The following NUP98 variants were observed in gnomAD, a reference collection of about 807,000 sequenced individuals.
NUP98 encodes nucleoporin 98 and 96 precursor, also known as nuclear pore complex protein Nup98-Nup96.
In NUP98, 26 loss-of-function variants were observed where a neutral mutation model predicts 191.9. That is an observed-to-expected ratio of 0.14 (90% CI 0.10 to 0.19). The LOEUF (loss-of-function observed/expected upper bound fraction) is 0.19, where lower values mean the gene tolerates loss of function less well. NUP98 is among the 10% of genes least tolerant of loss of function. The pLI is 1.00. For missense variants in NUP98, 1,941 were observed against 2,178.8 expected (o/e 0.89, Z 2.17); for synonymous variants, 808 against 778.4 (o/e 1.04, Z -0.63).
intron 5 of NUP98, among the ~76,000 whole-genome samples, chr11:3,774,176 G>A (rs895192301): frequency 2.0e-5 from 3 of 152,030 alleles, no homozygotes; most frequent in Non-Finnish European, 4.4e-5. Context: ...GAGGCGGGTG[G>A]ATCATGAGGT....
rs2133986127 is a variant in NUP98, at chr11:3,675,668, G to A, written c.*491C>T. On this transcript the variant is annotated 3_prime_UTR_variant, in exon 33 of 33. Coordinates refer to ENST00000324932, the MANE Select transcript of NUP98 (RefSeq NM_016320.5). ...AACCCTCCTTTGCCTCCAAAATTCA[G>A]TGTTAACTAACCAATTACTTAAGAG... 8.3e-6 allele frequency: 2 copies of A among 240,648 alleles called. No homozygotes were observed. Among genetic ancestry groups the A allele is most frequent in the East Asian group, 6.0e-5 (1 of 16,590 alleles). The allele number at this position is 240,648 out of a possible 1,614,324, so 14.9% of individuals were successfully genotyped here.
intron 15 of NUP98, among the ~76,000 whole-genome samples, chr11:3,724,147 T>C (rs1173864164): frequency 1.3e-5 from 2 of 152,106 alleles, no homozygotes; most frequent in Non-Finnish European, 2.9e-5. Flanking sequence ...AGAAAGAAAT[T>C]TCGGCTGGGT....
intron 27 of NUP98, 90 bp downstream of exon 27, chr11:3,693,142 G>C (rs2078371781): frequency 4.5e-6 from 6 of 1,326,690 alleles, no homozygotes; most frequent in Non-Finnish European, 6.4e-6. Context: ...GTAAAGGATA[G>C]TTTCCCATCA....
At chr11:3,704,190 T>A (rs1389131775) in intron 22 of NUP98, among the ~76,000 whole-genome samples, 2 of 152,244 alleles carry the variant, frequency 1.3e-5, no homozygotes, top group East Asian at 3.8e-4. Flanking sequence ...AAAATATTTT[T>A]AAAAAGCAAA....
intron 18 of NUP98, 54 bp downstream of exon 18, chr11:3,719,358 G>GA (rs534328293): frequency 1.1e-3 from 1,541 of 1,443,696 alleles, no homozygotes; most frequent in African/African-American, 5.4e-3. Context: ...TATGTTTACA[G>GA]AAAAAAAAAT....
chr11:3,793,895 C>G (rs142732628), intron 1 of NUP98, among the ~76,000 whole-genome samples: 1 of 151,928 alleles, frequency 6.6e-6, no homozygotes, highest in Non-Finnish European at 1.5e-5. Context: ...CTTGAACCCA[C>G]GAGGCGGAGG....
chr11:3,723,661 A>G (rs1267981369), intron 15 of NUP98, among the ~76,000 whole-genome samples: 1 of 152,096 alleles, frequency 6.6e-6, no homozygotes, highest in Non-Finnish European at 1.5e-5. Flanking sequence ...GAATCAAATA[A>G]TTGGTTAATT....
intron 20 of NUP98, among the ~76,000 whole-genome samples, chr11:3,707,970 G>C (rs182719696): frequency 6.6e-6 from 1 of 151,906 alleles, no homozygotes; most frequent in African/African-American, 2.4e-5. Context: ...GTGTGGTGGC[G>C]TGTGCCTGTA....
chr11:3,773,488 T>A (rs1158087444), intron 6 of NUP98, 144 bp downstream of exon 6: 8 of 486,948 alleles, frequency 1.6e-5, no homozygotes, highest in Admixed American at 3.9e-5. Context: ...ACTTGATTTT[T>A]AAAAATAATT....
At chr11:3,727,271 C>T (rs2079655563) in intron 14 of NUP98, among the ~76,000 whole-genome samples, 1 of 151,980 alleles carries the variant, frequency 6.6e-6, no homozygotes, top group Admixed American at 6.6e-5. Context: ...GCCCGGGCAA[C>T]ACAGGAAGAC....
intron 5 of NUP98, 114 bp from the exon 6 acceptor site, chr11:3,773,853 T>C: frequency 1.7e-6 from 1 of 596,216 alleles, no homozygotes; most frequent in Non-Finnish European, 3.0e-6. Flanking sequence ...TCTTTTATAC[T>C]GAGATGGTTT....
rs772041248 is a variant in NUP98 at position 3,775,875 on chromosome 11, T to C, written c.495+7A>G. The C allele has an allele frequency of 1.2e-6, 2 of 1,606,576 alleles. No homozygotes were observed. Among genetic ancestry groups the C allele is most frequent in the South Asian group, 2.2e-5 (2 of 89,070 alleles). On this transcript the variant is annotated splice_region_variant and intron_variant, in intron 5 of 32. Coordinates refer to ENST00000324932, the MANE Select transcript of NUP98 (RefSeq NM_016320.5). ...ACATTCCACAAAGATTGGAAGAAAA[T>C]ACATACGTTAAATTTAATAGTAGTC... is the stretch of plus-strand genomic sequence containing the variant.
intron 20 of NUP98, among the ~76,000 whole-genome samples, chr11:3,710,199 A>G (rs919898739): frequency 1.3e-4 from 20 of 152,152 alleles, no homozygotes; most frequent in African/African-American, 4.8e-4. Context: ...TGATGCAGCC[A>G]GCTGGAAATT....
intron 12 of NUP98, among the ~76,000 whole-genome samples, chr11:3,744,254 C>T (rs573412013): frequency 3.9e-5 from 6 of 152,086 alleles, no homozygotes; most frequent in Admixed American, 2.6e-4. Context: ...GCACATTTAG[C>T]GATATGAACT....
intron 14 of NUP98, among the ~76,000 whole-genome samples, chr11:3,726,497 T>C (rs1362172884): frequency 4.1e-5 from 6 of 147,446 alleles, no homozygotes; most frequent in Admixed American, 1.4e-4. Context: ...AATGAAAAAG[T>C]AGGTGTCCCT....
chr11:3,698,121 T>C (rs1168235348), intron 25 of NUP98, among the ~76,000 whole-genome samples: 1 of 152,214 alleles, frequency 6.6e-6, no homozygotes, highest in East Asian at 1.9e-4. Flanking sequence ...CTAAGAAGTA[T>C]TTGATAATTA....
chr11:3,775,688 T>C (rs1292166306), intron 5 of NUP98, among the ~76,000 whole-genome samples, 194 bp downstream of exon 5: 1 of 148,010 alleles, frequency 6.8e-6, no homozygotes, highest in Non-Finnish European at 1.5e-5. Flanking sequence ...CTAATTCAAA[T>C]ATACATCGTA....
At position 3,771,914 on chromosome 11, in the gene NUP98, C is replaced by T; in HGVS notation, c.618G>A (p.Glu206=). Residue 206 remains glutamate, a synonymous_variant, in exon 7 of 33, where the codon GAG becomes GAA. Coordinates refer to ENST00000324932, the MANE Select transcript of NUP98 (RefSeq NM_016320.5). ...ESKSLEELRL[E]DYQANRKGPQ... is the part of the protein sequence containing the mutation. Reference sequence around the variant, plus strand: ...GGCCCTTCCTGTTAGCCTGATAATCCTCTAAACGAAGTTCCTGAAGGGAGG... The same window carrying T: ...GGCCCTTCCTGTTAGCCTGATAATCTTCTAAACGAAGTTCCTGAAGGGAGG... The T allele has an allele frequency of 6.2e-7, 1 of 1,613,486 alleles. No individual in the cohort carries two copies. Among genetic ancestry groups the T allele is most frequent in the Non-Finnish European group, 8.5e-7 (1 of 1,179,638 alleles).
At position 3,683,270 on chromosome 11, in the gene NUP98, C is replaced by A; in HGVS notation, c.4848G>T (p.Glu1616Asp). ...GCTCAGCCTTAAATAAGCAAAGGGC[C>A]TCTAAGTGCTTGTCAGATTCCATGT... ...RAHMESDKHL[E>D]ALCLFKAEHW... The change falls in exon 30 of 33, where the codon GAG (glutamate) becomes GAT (aspartate). Residue 1616 changes from glutamate (E) to aspartate (D), a missense_variant. Physicochemically the swap from Glu to Asp is conservative, Grantham distance 45 (BLOSUM62 2). Around this residue, in one of 6 missense-constraint regions of NUP98, gnomAD observed 1,030 missense variants for 1,115.8 expected, o/e 0.92. Coordinates refer to ENST00000324932, the MANE Select transcript of NUP98 (RefSeq NM_016320.5). The A allele has an allele frequency of 6.2e-7, 1 of 1,614,118 alleles. No individual in the cohort carries two copies. Among genetic ancestry groups the A allele is most frequent in the Non-Finnish European group, 8.5e-7 (1 of 1,180,018 alleles).
Sources: allele counts gnomAD v4.1 joint callset (sites outside exome capture counted in the v4.1 genomes callset), GRCh38; gene constraint gnomAD v4.1.1; regional missense constraint gnomAD v4.1.1; transcripts MANE v1.5; gene names NCBI Gene and HGNC (gene_info 2026-07-23, HGNC 2026-07-21).